Variants in C10orf90 observed in about 807,000 individuals in gnomAD.
The protein encoded by C10orf90 is (E2-independent) E3 ubiquitin-conjugating enzyme FATS.
In C10orf90, 56 loss-of-function variants were observed where a neutral mutation model predicts 62.5. The observed-to-expected ratio is 0.90, with a 90% CI of 0.72 to 1.12. The LOEUF (loss-of-function observed/expected upper bound fraction) is 1.12, where lower values mean the gene tolerates loss of function less well. C10orf90 is among the 50% of genes most tolerant of loss of function. C10orf90 has a pLI of 0.00. For missense variants in C10orf90, 970 were observed against 880.4 expected (o/e 1.10, Z -1.29); for synonymous variants, 386 against 340.4 (o/e 1.13, Z -1.47).
chr10:126,581,387 G>T (rs746765328), intron 2 of C10orf90, among the ~76,000 whole-genome samples: 1 of 152,290 alleles, frequency 6.6e-6, no homozygotes, highest in Middle Eastern at 3.4e-3. Flanking sequence ...GTAGCCAGGA[G>T]AGAGCGGTTT....
In C10orf90 at chr10:126,530,038, A is replaced by G. The variant is rs187272911; in HGVS notation, c.314-16099T>C. Reference sequence around the variant, plus strand: ...TGAAATGTAGTATCTACATTAAAAAACCTCTTGTACATTTGCACTGGGATA... The same window carrying G: ...TGAAATGTAGTATCTACATTAAAAAGCCTCTTGTACATTTGCACTGGGATA... On this transcript the variant is annotated intron_variant, in intron 2 of 9. Transcript: ENST00000488181. 3.3e-5 allele frequency among the ~76,000 whole-genome samples: 5 copies of G among 151,826 alleles called. No homozygotes were observed. The East Asian group carries it at 9.7e-4, about 29-fold the overall frequency.
chr10:126,604,412 T>C (rs749311609), intron 2 of C10orf90, among the ~76,000 whole-genome samples: 2 of 152,156 alleles, frequency 1.3e-5, no homozygotes, highest in Non-Finnish European at 2.9e-5. Context: ...TGATCCTCAG[T>C]TGAAAGAAAA....
At chr10:126,436,872 C>T (rs1857955121) in intron 7 of C10orf90, among the ~76,000 whole-genome samples, 1 of 151,940 alleles carries the variant, frequency 6.6e-6, no homozygotes, top group Admixed American at 6.6e-5. Flanking sequence ...CTTTGTTGCC[C>T]AAGATGGTCT....
chr10:126,661,789 TTTC>T (rs2133872321), intron 1 of C10orf90, among the ~76,000 whole-genome samples: 1 of 152,264 alleles, frequency 6.6e-6, no homozygotes, highest in African/African-American at 2.4e-5. Context: ...GTGTCATTTT[TTTC>T]TTATCAAGAA....
intron 4 of C10orf90, among the ~76,000 whole-genome samples, chr10:126,479,089 A>ACTCC (rs1861042905): frequency 6.6e-6 from 1 of 152,006 alleles, no homozygotes; most frequent in South Asian, 2.1e-4. Context: ...TTTGTGCTGA[A>ACTCC]CTCCCGCTGT....
chr10:126,615,676 T>C (rs1015188472), intron 2 of C10orf90, among the ~76,000 whole-genome samples: 6 of 152,136 alleles, frequency 3.9e-5, no homozygotes, highest in East Asian at 1.9e-4. Context: ...TAAGGCATTG[T>C]AGGGACCAAA....
At chr10:126,536,431 A>G (rs1455280882) in intron 2 of C10orf90, among the ~76,000 whole-genome samples, 3 of 152,090 alleles carry the variant, frequency 2.0e-5, no homozygotes, top group East Asian at 1.9e-4. Flanking sequence ...CTGCGTAAGG[A>G]CCTCAGATGG....
At chr10:126,459,333 C>T in intron 6 of C10orf90, 116 bp from the exon 7 acceptor site, 1 of 1,184,800 alleles carries the variant, frequency 8.4e-7, no homozygotes, top group Non-Finnish European at 1.2e-6. Flanking sequence ...GACCAAAAGC[C>T]ACGGTGCAAA....
intron 2 of C10orf90, among the ~76,000 whole-genome samples, chr10:126,517,384 C>T (rs564024141): frequency 6.6e-6 from 1 of 152,218 alleles, no homozygotes; most frequent in South Asian, 2.1e-4. Flanking sequence ...GTGTGCAGGC[C>T]CTGAACACAG....
chr10:126,662,181 T>G (rs959481781), intron 1 of C10orf90, among the ~76,000 whole-genome samples: 1 of 152,138 alleles, frequency 6.6e-6, no homozygotes, highest in African/African-American at 2.4e-5. Context: ...AAAATTATTA[T>G]GGGTGGATCT....
intron 1 of C10orf90, among the ~76,000 whole-genome samples, chr10:126,652,499 G>T (rs1281826128): frequency 3.3e-5 from 5 of 152,122 alleles, no homozygotes; most frequent in African/African-American, 1.2e-4. Context: ...GATGTAAAGT[G>T]GATATATTAT....
chr10:126,659,700 T>G (rs1846469349), intron 1 of C10orf90, among the ~76,000 whole-genome samples: 1 of 152,212 alleles, frequency 6.6e-6, no homozygotes, highest in Non-Finnish European at 1.5e-5. Context: ...GTGACCTTCA[T>G]TTTTAGCTTC....
At chr10:126,465,135 G>A (rs1860212325) in intron 4 of C10orf90, 149 bp from the exon 5 acceptor site, 1 of 757,630 alleles carries the variant, frequency 1.3e-6, no homozygotes, top group East Asian at 2.7e-5. Flanking sequence ...TGTATACAGT[G>A]CTGTCTTGGA....
intron 1 of C10orf90, among the ~76,000 whole-genome samples, chr10:126,660,468 T>C (rs759013856): frequency 6.6e-6 from 1 of 152,206 alleles, no homozygotes; most frequent in Non-Finnish European, 1.5e-5. Flanking sequence ...AGCAGTCCTC[T>C]AAAAGCTGAG....
chr10:126,531,947 T>C (rs1320658479), intron 2 of C10orf90, among the ~76,000 whole-genome samples: 1 of 152,110 alleles, frequency 6.6e-6, no homozygotes, highest in Non-Finnish European at 1.5e-5. Context: ...AGACAACCAA[T>C]CCAATATAAA....
At chr10:126,518,968 G>A (rs1018000021) in intron 2 of C10orf90, among the ~76,000 whole-genome samples, 6 of 152,192 alleles carry the variant, frequency 3.9e-5, no homozygotes, top group African/African-American at 1.4e-4. Flanking sequence ...CAGGGTGTGT[G>A]GGGCCCTGAG....
At chr10:126,565,831 A>T (rs979231284) in intron 2 of C10orf90, among the ~76,000 whole-genome samples, 1 of 152,162 alleles carries the variant, frequency 6.6e-6, no homozygotes, top group Non-Finnish European at 1.5e-5. Context: ...CGCTGTTTTG[A>T]GACTGAGTGA....
At chr10:126,646,672 AT>A in intron 1 of C10orf90, 35 bp from the exon 2 acceptor site, 2 of 423,584 alleles carry the variant, frequency 4.7e-6, no homozygotes, top group South Asian at 3.5e-5. Flanking sequence ...CCAATTTCAT[AT>A]TTTGATTTGC....
At chr10:126,622,478 A>G (rs1357973332) in intron 2 of C10orf90, among the ~76,000 whole-genome samples, 1 of 152,164 alleles carries the variant, frequency 6.6e-6, no homozygotes, top group Non-Finnish European at 1.5e-5. Context: ...CAATGTCTAG[A>G]GACATTTCTG....
Sources: gnomAD v4.1 joint callset for allele counts (sites outside exome capture counted in the v4.1 genomes callset) on GRCh38, gnomAD v4.1.1 for gene constraint, MANE v1.5 for transcripts, NCBI Gene and HGNC (gene_info 2026-07-23, HGNC 2026-07-21) for gene names.